Variants in TCF12 observed in about 807,000 individuals in gnomAD.
TCF12 encodes DNA-binding protein HTF4.
Under a neutral mutation model 86.0 loss-of-function variants are expected in TCF12, and 45 were observed. That is an observed-to-expected ratio of 0.52 (90% confidence interval 0.41 to 0.67). The LOEUF is 0.67. TCF12 is among the 30% of genes least tolerant of loss of function. TCF12 has a pLI of 0.00. For synonymous variants in TCF12, 330 were observed against 299.6 expected (o/e 1.10, Z -1.05); for missense variants, 881 against 859.9 (o/e 1.02, Z -0.31).
chr15:57,077,022 A>G (rs1002458886), intron 4 of TCF12, among the ~76,000 whole-genome samples: 2 of 152,186 alleles, frequency 1.3e-5, no homozygotes, highest in Non-Finnish European at 2.9e-5. Flanking sequence ...TTATCTTCAC[A>G]CCAATACCAT....
chr15:56,959,273 C>T (rs969026494), intron 3 of TCF12, among the ~76,000 whole-genome samples: 18 of 152,266 alleles, frequency 1.2e-4, no homozygotes, highest in African/African-American at 3.9e-4. Flanking sequence ...ATTTCTGCTA[C>T]GAATATAATA....
chr15:56,944,472 A>G (rs536087208), intron 3 of TCF12, among the ~76,000 whole-genome samples: 193 of 152,306 alleles, frequency 1.3e-3, no homozygotes, highest in Non-Finnish European at 2.0e-3. Flanking sequence ...AGCTGCTAAG[A>G]CAAGGGAATT....
In TCF12 at chr15:57,169,355, G is replaced by C. The variant is rs556619503; in HGVS notation, c.390+2889G>C. Among the ~76,000 whole-genome samples the C allele has an allele frequency of 2.0e-4, 31 of 152,222 alleles. No individual in the cohort carries two copies. The East Asian group carries it at 6.0e-3, about 29-fold the overall frequency. ...CAGATATATGAAAGTGCTTTTCTCA[G>C]TTCCTAATCATACAGTAGAAGGTCA... On this transcript the variant is annotated intron_variant, in intron 6 of 20. Transcript: ENST00000333725.
chr15:57,195,362 A>AT (rs752762737), intron 7 of TCF12, among the ~76,000 whole-genome samples: 5 of 152,238 alleles, frequency 3.3e-5, no homozygotes, highest in Non-Finnish European at 7.3e-5. Context: ...AACTGGCCTA[A>AT]ACTAATCTTT....
chr15:56,922,657 A>T (rs1481480745), intron 3 of TCF12, among the ~76,000 whole-genome samples: 1 of 152,074 alleles, frequency 6.6e-6, no homozygotes, highest in Non-Finnish European at 1.5e-5. Context: ...TTTGTTATCC[A>T]TTGAAAGGTT....
intron 3 of TCF12, among the ~76,000 whole-genome samples, chr15:57,018,961 G>C (rs2065311930): frequency 6.6e-6 from 1 of 152,104 alleles, no homozygotes; most frequent in Non-Finnish European, 1.5e-5. Flanking sequence ...TGAAAGGCCT[G>C]GACTGACTAA....
At chr15:57,180,806 A>ATTTTTT (rs34557385) in intron 6 of TCF12, among the ~76,000 whole-genome samples, 8,437 of 82,048 alleles carry the variant, frequency 0.1, 1,325 homozygotes, top group African/African-American at 0.15. Context: ...GATGCTAATA[A>ATTTTTT]TTTTTTTTTT....
In TCF12 at chr15:57,190,684, T is replaced by A. The variant is rs141504885; in HGVS notation, c.391-1474T>A. 1.7e-3 allele frequency among the ~76,000 whole-genome samples: 263 copies of A among 152,314 alleles called. 10 individuals are homozygous for A. In the East Asian group the frequency reaches 0.045, roughly 26 times the overall value. On this transcript the variant is annotated intron_variant, in intron 6 of 20. Transcript: ENST00000333725. ...CTCGTTTGTTTTGTGAGAGGGTTAC[T>A]GCATTAGTAGGTTAGAGCTGCTGAA...
chr15:57,204,269 G>GCACA (rs151328034), intron 8 of TCF12, among the ~76,000 whole-genome samples: 1 of 151,736 alleles, frequency 6.6e-6, no homozygotes, highest in Admixed American at 6.6e-5. Flanking sequence ...GACCTTGTCT[G>GCACA]CACACACACA....
intron 5 of TCF12, among the ~76,000 whole-genome samples, chr15:57,143,154 C>T (rs1398616729): frequency 1.4e-5 from 2 of 141,322 alleles, no homozygotes; most frequent in Admixed American, 7.8e-5. Context: ...TACGTGCCCC[C>T]CCCCACCAAA....
At chr15:57,166,511 CATAA>C (rs2054905182) in intron 6 of TCF12, 45 bp downstream of exon 6, 3 of 1,518,730 alleles carry the variant, frequency 2.0e-6, no homozygotes, top group African/African-American at 1.4e-5. Flanking sequence ...TTTTTAAACA[CATAA>C]ATAAAGGCTC....
intron 3 of TCF12, among the ~76,000 whole-genome samples, chr15:57,009,961 C>A (rs2064721616): frequency 6.6e-6 from 1 of 151,934 alleles, no homozygotes; most frequent in Non-Finnish European, 1.5e-5. Flanking sequence ...TATAAGTAAC[C>A]TGTTGGGGAA....
chr15:56,998,183 G>A (rs895163768), intron 3 of TCF12, among the ~76,000 whole-genome samples: 8 of 152,146 alleles, frequency 5.3e-5, no homozygotes, highest in Non-Finnish European at 8.8e-5. Context: ...TGGTCTGGGC[G>A]TTGTAGCTCA....
chr15:57,159,257 G>A (rs1248669449), intron 5 of TCF12, among the ~76,000 whole-genome samples: 1 of 152,334 alleles, frequency 6.6e-6, no homozygotes, highest in East Asian at 1.9e-4. Context: ...CAAGAGCTAA[G>A]AGACGAATCC....
At chr15:57,086,310 T>TA (rs1295311777) in intron 4 of TCF12, among the ~76,000 whole-genome samples, 2 of 151,474 alleles carry the variant, frequency 1.3e-5, no homozygotes, top group East Asian at 3.9e-4. Context: ...ATATATTTAC[T>TA]TATTTAATCC....
intron 3 of TCF12, among the ~76,000 whole-genome samples, chr15:56,931,730 C>T (rs1248936190): frequency 6.6e-6 from 1 of 152,064 alleles, no homozygotes; most frequent in Non-Finnish European, 1.5e-5. Flanking sequence ...GTAAAATTTT[C>T]CTCAGGAGCT....
chr15:57,035,117 C>G (rs928285921), intron 3 of TCF12, among the ~76,000 whole-genome samples: 12 of 151,972 alleles, frequency 7.9e-5, no homozygotes, highest in African/African-American at 2.7e-4. Context: ...TTACAACCCC[C>G]CAATGAGATT....
At chr15:57,111,326 A>G (rs2050475130) in intron 5 of TCF12, among the ~76,000 whole-genome samples, 1 of 152,170 alleles carries the variant, frequency 6.6e-6, no homozygotes, top group South Asian at 2.1e-4. Context: ...TTCTTAAAAG[A>G]AAAATTTCGG....
chr15:57,011,933 T>G (rs1255532712), intron 3 of TCF12, among the ~76,000 whole-genome samples: 1 of 152,248 alleles, frequency 6.6e-6, no homozygotes, highest in Non-Finnish European at 1.5e-5. Context: ...CCTACATTTC[T>G]TCATGTAATT....
Sources: gnomAD v4.1 joint callset for allele counts (sites outside exome capture counted in the v4.1 genomes callset) on GRCh38, gnomAD v4.1.1 for gene constraint, MANE v1.5 for transcripts, NCBI Gene and HGNC (gene_info 2026-07-23, HGNC 2026-07-21) for gene names.